Variants in C8orf74 observed in about 807,000 individuals in gnomAD.
C8orf74 encodes the protein uncharacterized protein C8orf74.
In C8orf74, 29 loss-of-function variants were observed where a neutral mutation model predicts 22.2. That is an observed-to-expected ratio of 1.31 (90% CI 0.97 to 1.78). The LOEUF (loss-of-function observed/expected upper bound fraction) is 1.78, where lower values mean the gene tolerates loss of function less well. C8orf74 is among the 40% of genes most tolerant of loss of function. The pLI is 0.00. For missense variants in C8orf74, 515 were observed against 369.9 expected (o/e 1.39, Z -3.22); for synonymous variants, 255 against 163.1 (o/e 1.56, Z -4.30).
intron 2 of C8orf74, chr8:10,690,904 G>A (rs1428337106): frequency 6.6e-6 from 3 of 455,964 alleles, no homozygotes; most frequent in African/African-American, 6.0e-5. Context: ...ACCATCTTCA[G>A]GAAGTTCCCA....
At chr8:10,697,448 CA>C (rs1227270146) in intron 2 of C8orf74, 150 bp from the exon 3 acceptor site, 95 of 647,816 alleles carry the variant, frequency 1.5e-4, no homozygotes, top group Middle Eastern at 8.5e-4. Context: ...GACCCCGTCT[CA>C]AAAAAAATAA....
chr8:10,680,321 G>C (rs1586033914), intron 2 of C8orf74, among the ~76,000 whole-genome samples: 1 of 152,190 alleles, frequency 6.6e-6, no homozygotes, highest in African/African-American at 2.4e-5. Flanking sequence ...TGTCAAATGG[G>C]GGCAGTAACA....
chr8:10,690,707 G>C (rs975158387), intron 2 of C8orf74, among the ~76,000 whole-genome samples: 2 of 152,220 alleles, frequency 1.3e-5, no homozygotes, highest in Non-Finnish European at 2.9e-5. Context: ...GCCCAGCCCA[G>C]ACTCCGGGTA....
intron 2 of C8orf74, chr8:10,689,337 C>A (rs946566196): frequency 6.6e-6 from 1 of 152,182 alleles, no homozygotes; most frequent in South Asian, 2.1e-4. Flanking sequence ...CTCCTTGGTC[C>A]AGAGAGATGT....
rs527526844 is a variant in C8orf74 at position 10,685,173 on chromosome 8, G to A, written c.241+10335G>A. Among the ~76,000 whole-genome samples, 10 of 152,286 alleles carry A rather than the reference G, an allele frequency of 6.6e-5. No individual in the cohort carries two copies. In the South Asian group the frequency reaches 2.1e-3, roughly 32 times the overall value. ...AAGGAAACTGGAGCTACAGTTAAGGGTGGACTACTGTATCTTATCAAACAA... is the reference window on the plus strand; with the variant it reads ...AAGGAAACTGGAGCTACAGTTAAGGATGGACTACTGTATCTTATCAAACAA... On this transcript the variant is annotated intron_variant, in intron 2 of 3. Coordinates refer to ENST00000304519, the MANE Select transcript of C8orf74 (RefSeq NM_001040032.2).
intron 2 of C8orf74, among the ~76,000 whole-genome samples, chr8:10,686,091 G>C (rs1296370211): frequency 6.6e-6 from 1 of 152,114 alleles, no homozygotes; most frequent in East Asian, 1.9e-4. Flanking sequence ...AAAGGAAGTA[G>C]TTAAAATGGT....
At chr8:10,687,222 C>T (rs1799279770) in intron 2 of C8orf74, 1 of 418,628 alleles carries the variant, frequency 2.4e-6, no homozygotes, top group Non-Finnish European at 4.9e-6. Context: ...CATATGCATG[C>T]TGTCGCCTAA....
chr8:10,700,331 G>C lies in C8orf74; in HGVS notation c.745G>C (p.Asp249His). The change falls in exon 4 of 4, where the codon GAC becomes CAC. Residue 249 changes from aspartate (D) to histidine (H), a missense_variant. Transcript: ENST00000304519. The part of the protein sequence containing the change: ...RQIQNTFAIL[D>H]LKLQKKTLNL... The stretch of plus-strand genomic sequence containing the variant: ...GATCCAGAACACATTCGCCATCTTG[G>C]ACCTGAAGCTTCAGAAGAAGACTCT... 2 of 1,613,836 alleles carry C rather than the reference G, an allele frequency of 1.2e-6. No homozygotes were observed. Among genetic ancestry groups the C allele is most frequent in the Non-Finnish European group, 1.7e-6 (2 of 1,179,836 alleles).
At chr8:10,687,992 G>C (rs933579061) in intron 2 of C8orf74, among the ~76,000 whole-genome samples, 1 of 152,098 alleles carries the variant, frequency 6.6e-6, no homozygotes, top group Non-Finnish European at 1.5e-5. Context: ...GATCACCTGA[G>C]GTGAGGAATT....
intron 3 of C8orf74, among the ~76,000 whole-genome samples, chr8:10,698,814 C>T (rs921012386): frequency 1.3e-5 from 2 of 151,628 alleles, no homozygotes; most frequent in Non-Finnish European, 2.9e-5. Context: ...GTTGCAGGGC[C>T]TGTGAGTTCC....
intron 2 of C8orf74, among the ~76,000 whole-genome samples, chr8:10,680,327 T>TA (rs1799123003): frequency 6.6e-6 from 1 of 152,182 alleles, no homozygotes; most frequent in African/African-American, 2.4e-5. Flanking sequence ...ATGGGGGCAG[T>TA]AACAGTTCCT....
chr8:10,685,070 A>G (rs1426633256), intron 2 of C8orf74, among the ~76,000 whole-genome samples: 2 of 152,236 alleles, frequency 1.3e-5, no homozygotes, highest in African/African-American at 4.8e-5. Flanking sequence ...TGCAACATCT[A>G]AAACTTATGA....
rs1285003464 is a variant in C8orf74 at position 10,700,246 on chromosome 8, C to A, written c.660C>A (p.Ser220Arg). 1.3e-6 allele frequency: 2 copies of A among 1,597,662 alleles called. No homozygotes were observed. The highest frequency in any genetic ancestry group is 2.3e-5 in the East Asian group (1 of 44,436). ...GQVLERQELE[S>R]LICQAVHTQM... ...CCCTTTCCTTCCAGGAGTTGGAGAG[C>A]CTCATCTGCCAGGCAGTCCACACCC... The change falls in exon 4 of 4, where the codon AGC (serine) becomes AGA (arginine). Residue 220 changes from serine to arginine, a missense_variant. By Grantham distance (110) the Ser-to-Arg change is moderately radical (BLOSUM62 -1). Coordinates refer to ENST00000304519, the MANE Select transcript of C8orf74 (RefSeq NM_001040032.2).
intron 2 of C8orf74, chr8:10,688,997 C>G (rs1799318957): frequency 6.6e-6 from 1 of 152,460 alleles, no homozygotes; most frequent in Non-Finnish European, 1.5e-5. Context: ...AGCTAACTCC[C>G]AAGAACAGCA....
Position 10,700,391 on chromosome 8 carries a change from ATC to A in C8orf74, c.806_807del (p.Ile269AsnfsTer50). On this transcript the variant is annotated frameshift_variant, in exon 4 of 4. Transcript: ENST00000304519. LOFTEE classifies it low-confidence loss of function (END_TRUNC). ...CGCCCCCACCCCTATCCCGCCCCCC[ATC>A]ACCAGCCACGCAGGCCAGGAGGAAG... ...LNAPTPIPPP[I>X]TSHAGQEEAL... The A allele has an allele frequency of 1.3e-6, 1 of 744,524 alleles. No homozygotes were observed. Among genetic ancestry groups the A allele is most frequent in the Non-Finnish European group, 2.1e-6 (1 of 478,460 alleles). The allele number at this position is 744,524 out of a possible 1,614,324, so 46.1% of individuals were successfully genotyped here.
intron 3 of C8orf74, among the ~76,000 whole-genome samples, chr8:10,699,834 T>C (rs1425297182): frequency 6.6e-6 from 1 of 152,318 alleles, no homozygotes; most frequent in African/African-American, 2.4e-5. Flanking sequence ...ATAGGAAATA[T>C]GGCACTGGCC....
chr8:10,678,891 C>T (rs1466846997), intron 2 of C8orf74, among the ~76,000 whole-genome samples: 1 of 152,188 alleles, frequency 6.6e-6, no homozygotes, highest in East Asian at 1.9e-4. Flanking sequence ...AGGTGGCGTC[C>T]TAGTCAGCAC....
Position 10,697,581 on chromosome 8 carries a change from T to C in C8orf74, c.242-18T>C, listed in dbSNP as rs1358761940. On this transcript the variant is annotated intron_variant, in intron 2 of 3. Coordinates refer to ENST00000304519, the MANE Select transcript of C8orf74 (RefSeq NM_001040032.2). ...CTCTGTCCCACTCCCACTCTGTTCTTGGCCCCTGTGCCTACAGGCTGCTCC... is the reference window on the plus strand; with the variant it reads ...CTCTGTCCCACTCCCACTCTGTTCTCGGCCCCTGTGCCTACAGGCTGCTCC... 4 of 1,606,354 alleles carry C rather than the reference T, an allele frequency of 2.5e-6. No individual in the cohort carries two copies. The highest frequency in any genetic ancestry group is 3.4e-6 in the Non-Finnish European group (4 of 1,175,918).
chr8:10,699,199 G>A (rs1799598861), intron 3 of C8orf74, among the ~76,000 whole-genome samples: 1 of 152,194 alleles, frequency 6.6e-6, no homozygotes, highest in African/African-American at 2.4e-5. Flanking sequence ...GTTCCTGCCT[G>A]CTCCTCCCAG....
Sources: gnomAD v4.1 joint callset for allele counts (sites outside exome capture counted in the v4.1 genomes callset) on GRCh38, gnomAD v4.1.1 for gene constraint, MANE v1.5 for transcripts, NCBI Gene and HGNC (gene_info 2026-07-23, HGNC 2026-07-21) for gene names.